Variants in CEP170B observed in about 807,000 individuals in gnomAD.
The protein encoded by CEP170B is centrosomal protein 170B.
In CEP170B, 55 loss-of-function variants were observed where a neutral mutation model predicts 120.6. The ratio of observed to expected loss-of-function variants is 0.46; its 90% CI spans 0.37 to 0.57. The LOEUF is 0.57. Ranked by LOEUF, CEP170B falls within the 20% of genes least tolerant of loss-of-function variation. CEP170B has a pLI of 0.00. For synonymous variants in CEP170B, 1,033 were observed against 954.5 expected (o/e 1.08, Z -1.52); for missense variants, 2,212 against 2,253.3 (o/e 0.98, Z 0.37).
chr14:104,893,221 C>A, intron 14 of CEP170B, 86 bp downstream of exon 14: 1 of 1,408,062 alleles, frequency 7.1e-7, no homozygotes, highest in Non-Finnish European at 9.5e-7. Context: ...TTGCATGCCT[C>A]GGCTGAGGCC....
chr14:104,880,533 T>C, intron 6 of CEP170B, 108 bp downstream of exon 6: 1 of 1,461,772 alleles, frequency 6.8e-7, no homozygotes. Context: ...ATATACCATG[T>C]ACACCCATAC....
rs1313498318 is a variant in CEP170B at position 104,887,863 on chromosome 14, G to C, written c.3624G>C (p.Lys1208Asn). ...RSVELCCASR[K>N]PTMAEARAVS... Reference sequence around the variant, plus strand: ...TGGAGTTGTGCTGTGCCAGCCGCAAGCCCACCATGGCCGAAGCACGGGCTG... The same window carrying C: ...TGGAGTTGTGCTGTGCCAGCCGCAACCCCACCATGGCCGAAGCACGGGCTG... Residue 1208 changes from lysine (K) to asparagine (N), a missense_variant, in exon 12 of 19, where the codon AAG (lysine) becomes AAC (asparagine). This residue lies in a region of CEP170B where 2,166 missense variants were observed against 2,166.7 expected (regional missense o/e 1.00). Transcript: ENST00000414716. 9.5e-6 allele frequency: 15 copies of C among 1,575,012 alleles called. No individual in the cohort carries two copies. The highest frequency in any genetic ancestry group is 1.3e-5 in the Non-Finnish European group (15 of 1,164,416).
intron 6 of CEP170B, among the ~76,000 whole-genome samples, chr14:104,881,946 G>GC (rs1196035877): frequency 1.3e-5 from 2 of 152,086 alleles, no homozygotes; most frequent in Non-Finnish European, 2.9e-5. Context: ...AGACCCTCTG[G>GC]CCCCCCAGCA....
chr14:104,872,831 T>C (rs1234739137), intron 2 of CEP170B, among the ~76,000 whole-genome samples: 1 of 152,172 alleles, frequency 6.6e-6, no homozygotes, highest in Non-Finnish European at 1.5e-5. Flanking sequence ...CCAGAGGGCG[T>C]CAGACGTGAA....
rs543011736 is a variant in CEP170B at position 104,867,102 on chromosome 14, G to A, written c.-27-1322G>A. Among the ~76,000 whole-genome samples the A allele has an allele frequency of 6.6e-5, 10 of 152,306 alleles. No individual in the cohort carries two copies. The highest frequency in any genetic ancestry group is 3.4e-3 in the Middle Eastern group (1 of 294). Reference sequence around the variant, plus strand: ...TTCTCAGTTTTTGAATAAGGGTACCGCGTTTTCTTTTTGTGCTGGGCCCTG... The same window carrying A: ...TTCTCAGTTTTTGAATAAGGGTACCACGTTTTCTTTTTGTGCTGGGCCCTG... On this transcript the variant is annotated intron_variant, in intron 1 of 18. Coordinates refer to ENST00000414716, the MANE Select transcript of CEP170B (RefSeq NM_001112726.3). The surrounding 1 kb of genome is among the most constrained non-coding windows in gnomAD (Gnocchi z 5.4).
chr14:104,890,428 GAGT>G (rs1312210398), intron 13 of CEP170B, among the ~76,000 whole-genome samples: 3 of 146,798 alleles, frequency 2.0e-5, no homozygotes, highest in African/African-American at 7.6e-5. Flanking sequence ...ATGAATGGAT[GAGT>G]GAGTGGGTGG....
In CEP170B at chr14:104,893,016, C is replaced by G. The variant is rs199917509; in HGVS notation, c.3919C>G (p.Gln1307Glu). 39 of 1,584,082 alleles carry G rather than the reference C, an allele frequency of 2.5e-5. No individual in the cohort carries two copies. Among genetic ancestry groups the G allele is most frequent in the Non-Finnish European group, 3.0e-5 (35 of 1,166,554 alleles). The change falls in exon 14 of 19, where the codon CAG becomes GAG. Residue 1307 changes from glutamine (Q) to glutamate (E), a missense_variant. Transcript: ENST00000414716. ...GGTGAAGGACGTGGCCATCCTAGCC[C>G]AGGAGATCCACGATGTGGCTGGGGA... ...TLVKDVAILA[Q>E]EIHDVAGDGD... is the part of the protein sequence containing the mutation.
At chr14:104,874,461 G>T (rs984080156) in intron 2 of CEP170B, among the ~76,000 whole-genome samples, 3 of 152,052 alleles carry the variant, frequency 2.0e-5, no homozygotes, top group Admixed American at 6.5e-5. Flanking sequence ...GCCTTCCCAG[G>T]GAGGGCATGT....
chr14:104,872,682 C>T (rs1307666632), intron 2 of CEP170B, among the ~76,000 whole-genome samples: 1 of 152,126 alleles, frequency 6.6e-6, no homozygotes, highest in Non-Finnish European at 1.5e-5. Context: ...CCCTGACCTT[C>T]TGTGCCCCGT....
At chr14:104,882,662 C>G in intron 6 of CEP170B, 66 bp from the exon 7 acceptor site, 5 of 1,334,236 alleles carry the variant, frequency 3.7e-6, no homozygotes, top group Non-Finnish European at 5.2e-6. Context: ...CCTGGGCTGC[C>G]AGTTCTCTGC....
chr14:104,894,246 C>T (rs1265214165), intron 16 of CEP170B, 39 bp from the exon 17 acceptor site: 1 of 1,467,540 alleles, frequency 6.8e-7, no homozygotes, highest in African/African-American at 1.4e-5. Flanking sequence ...TCATCTCTGT[C>T]CTTGTCCCCC....
Position 104,886,314 on chromosome 14 carries a change from C to T in CEP170B, c.2075C>T (p.Ser692Phe), listed in dbSNP as rs62641737. The T allele has an allele frequency of 0.04, 61,785 of 1,544,872 alleles. 1,479 individuals are homozygous for T. Among genetic ancestry groups the T allele is most frequent in the Non-Finnish European group, 0.048 (55,573 of 1,150,112 alleles). ...LGRRGGEPEG[S>F]LPVRMRRRLP... ...CGTAGAGGCGGGGAGCCGGAGGGGT[C>T]CCTGCCTGTGCGCATGCGGCGACGG... The change falls in exon 12 of 19, where the codon TCC (serine) becomes TTC (phenylalanine). Residue 692 changes from serine (S) to phenylalanine (F), a missense_variant. Physicochemically the swap from Ser to Phe is radical, Grantham distance 155 (BLOSUM62 -2). Coordinates refer to ENST00000414716, the MANE Select transcript of CEP170B (RefSeq NM_001112726.3).
chr14:104,885,491 G>C lies in CEP170B; in HGVS notation c.1893G>C (p.Leu631=). The change falls in exon 10 of 19, where the codon CTG becomes CTC. Residue 631 remains leucine, a synonymous_variant. Transcript: ENST00000414716. Reference sequence around the variant, plus strand: ...GCGTGGCCCAGCGGATGGCGCTACTGCAGGAGTTTGCCTCCCGGCCACTGG... The same window carrying C: ...GCGTGGCCCAGCGGATGGCGCTACTCCAGGAGTTTGCCTCCCGGCCACTGG... ...DGGVAQRMAL[L]QEFASRPLGA... is the part of the protein sequence containing the mutation. 1 of 1,566,274 alleles carries C rather than the reference G, an allele frequency of 6.4e-7. No individual in the cohort carries two copies. The highest frequency in any genetic ancestry group is 8.6e-7 in the Non-Finnish European group (1 of 1,157,366).
At position 104,884,047 on chromosome 14, in the gene CEP170B, C is replaced by T. The variant is rs765699127; in HGVS notation, c.1268C>T (p.Thr423Met). The T allele has an allele frequency of 8.1e-6, 13 of 1,609,664 alleles. No homozygotes were observed. Among genetic ancestry groups the T allele is most frequent in the South Asian group, 2.2e-5 (2 of 90,594 alleles). Residue 423 changes from threonine to methionine, a missense_variant, in exon 9 of 19, where the codon ACG (threonine) becomes ATG (methionine). Around this residue, in one of 2 missense-constraint regions of CEP170B, gnomAD observed 2,166 missense variants for 2,166.7 expected, o/e 1.00. Coordinates refer to ENST00000414716, the MANE Select transcript of CEP170B (RefSeq NM_001112726.3). ...TPRKKRSQSF[T>M]HSPSGDPKAD... is the part of the protein sequence containing the mutation. ...CGAAAGAAGCGCTCCCAGTCCTTCA[C>T]GCACAGCCCGTCCGGGGACCCCAAG...
intron 18 of CEP170B, 60 bp downstream of exon 18, chr14:104,894,648 T>C: frequency 6.3e-7 from 1 of 1,586,498 alleles, no homozygotes; most frequent in Non-Finnish European, 8.6e-7. Flanking sequence ...TGGGGAACCC[T>C]GACTCACAGG....
rs777381966 is a variant in CEP170B, at chr14:104,883,998, G to A, written c.1219G>A (p.Glu407Lys). The change falls in exon 9 of 19, where the codon GAG (glutamate) becomes AAG (lysine). Residue 407 changes from glutamate to lysine, a missense_variant. Glu to Lys is a moderately conservative substitution (Grantham distance 56). Around this residue, in one of 2 missense-constraint regions of CEP170B, gnomAD observed 2,166 missense variants for 2,166.7 expected, o/e 1.00. Coordinates refer to ENST00000414716, the MANE Select transcript of CEP170B (RefSeq NM_001112726.3). ...ACATAACCAGCAGGCCTTTGTCATCGAGTTCTTCGACGAGGACACACCCCG... is the reference window on the plus strand; with the variant it reads ...ACATAACCAGCAGGCCTTTGTCATCAAGTTCTTCGACGAGGACACACCCCG... Reference protein sequence around the residue: ...LLHNQQAFVIEFFDEDTPRKK... With the variant: ...LLHNQQAFVIKFFDEDTPRKK... 4 of 1,610,850 alleles carry A rather than the reference G, an allele frequency of 2.5e-6. No individual in the cohort carries two copies. Among genetic ancestry groups the A allele is most frequent in the Non-Finnish European group, 2.5e-6 (3 of 1,178,892 alleles).
At position 104,894,372 on chromosome 14, in the gene CEP170B, T is replaced by C; in HGVS notation, c.4359T>C (p.Ser1453=). The C allele has an allele frequency of 1.2e-6, 2 of 1,613,266 alleles. No homozygotes were observed. Among genetic ancestry groups the C allele is most frequent in the Non-Finnish European group, 1.7e-6 (2 of 1,179,672 alleles). The change falls in exon 17 of 19, where the codon TCT becomes TCC. Residue 1453 remains serine, a synonymous_variant. Transcript: ENST00000414716. ...ACGAGGTGCCCATCCTGAAGACATC[T>C]AACAAGGTGAGCGCTGGGGCCCCGT... ...AENEVPILKT[S]NKEISSILKE... is the part of the protein sequence containing the mutation.
In CEP170B at chr14:104,896,563, C is replaced by G. The variant is rs1208758359; in HGVS notation, c.*1605C>G. 2.2e-6 allele frequency: 1 copy of G among 456,170 alleles called. No homozygotes were observed. The highest frequency in any genetic ancestry group is 7.0e-5 in the East Asian group (1 of 14,368). 28.3% of individuals were successfully genotyped at this position (456,170 alleles called of 1,614,324 possible). A position where few individuals can be genotyped will look rare whatever the true frequency, so the allele number is the denominator to read the frequency against. Reference sequence around the variant, plus strand: ...TCACAAGTTCCTGCTCCTCCCCACACTGAGCTCCTTTGTTCCTCCCCCTCC... The same window carrying G: ...TCACAAGTTCCTGCTCCTCCCCACAGTGAGCTCCTTTGTTCCTCCCCCTCC... On this transcript the variant is annotated 3_prime_UTR_variant, in exon 19 of 19. Coordinates refer to ENST00000414716, the MANE Select transcript of CEP170B (RefSeq NM_001112726.3).
chr14:104,869,799 T>C (rs113716370), intron 2 of CEP170B, among the ~76,000 whole-genome samples: 2,125 of 152,260 alleles, frequency 0.014, 54 homozygotes, highest in African/African-American at 0.048. Context: ...AGACACCAAA[T>C]TGGCCGGCGC....
Sources: gnomAD v4.1 joint callset for allele counts (sites outside exome capture counted in the v4.1 genomes callset) on GRCh38, gnomAD v4.1.1 for gene constraint, gnomAD v4.1.1 regional missense constraint, Gnocchi (gnomAD v3.1) non-coding constraint, MANE v1.5 for transcripts, NCBI Gene and HGNC (gene_info 2026-07-23, HGNC 2026-07-21) for gene names.